The following ACE variants were observed in gnomAD, a reference collection of about 807,000 sequenced individuals.
ACE encodes angiotensin I converting enzyme.
In ACE, 122 loss-of-function variants were observed where a neutral mutation model predicts 162.3. The ratio of observed to expected loss-of-function variants is 0.75; its 90% CI spans 0.65 to 0.87. The LOEUF (loss-of-function observed/expected upper bound fraction) is 0.87. Among genes scored for constraint, ACE ranks in the 40% least tolerant of loss-of-function variants. The probability of loss-of-function intolerance (pLI) is 0.00; values close to 1 mark genes in which losing one functional copy is unlikely to be tolerated. For synonymous variants in ACE, 796 were observed against 720.6 expected, an observed-to-expected ratio of 1.10 and a Z score of -1.68; for missense variants, 1,799 against 1,735.1, an observed-to-expected ratio of 1.04 and a Z score of -0.65.
Position 63,483,971 on chromosome 17 carries a change from G to A in ACE, c.1709G>A (p.Arg570Gln), listed in dbSNP as rs371599063. ...TCCACCAAGGCAGGGGCCAAGCTCC[G>A]GTGTGTGGTGGGAAGCCGGGGGAAG... ...YRSTKAGAKL[R>Q]KVLQAGSSRP... The change falls in exon 11 of 25, where the codon CGG (arginine) becomes CAG (glutamine). Residue 570 changes from arginine (R) to glutamine (Q), a missense_variant and splice_region_variant. By Grantham distance (43) the Arg-to-Gln change is conservative. Transcript: ENST00000290866. The A allele has an allele frequency of 1.2e-5, 19 of 1,612,950 alleles. No homozygotes were observed. In the African/African-American group the frequency reaches 1.2e-4, roughly 10 times the overall value.
rs1357918249 is a variant in ACE at position 63,480,498 on chromosome 17, C to T, written c.817C>T (p.Leu273Phe). ...CCGATACGGAGACAGATACATCAAC[C>T]TCAGGGGACCCATCCCTGCTCATCT... ...HRRYGDRYIN[L>F]RGPIPAHLLG... is the part of the protein sequence containing the mutation. The change falls in exon 5 of 25, where the codon CTC (leucine) becomes TTC (phenylalanine). Residue 273 changes from leucine to phenylalanine, a missense_variant. Physicochemically the swap from Leu to Phe is conservative, Grantham distance 22. Coordinates refer to ENST00000290866, the MANE Select transcript of ACE (RefSeq NM_000789.4). The T allele has an allele frequency of 2.5e-6, 4 of 1,613,988 alleles. No homozygotes were observed. The highest frequency in any genetic ancestry group is 1.1e-5 in the South Asian group (1 of 91,086).
rs4295 is a variant in ACE at position 63,478,937 on chromosome 17, C to G, written c.418-70C>G. On this transcript the variant is annotated intron_variant, in intron 2 of 24. Transcript: ENST00000290866. Reference sequence around the variant, plus strand: ...ACATCCACTCTGTGGGCTCCTCCTTCTAGCAGCGAGGGGAGGGCAGATGTC... The same window carrying G: ...ACATCCACTCTGTGGGCTCCTCCTTGTAGCAGCGAGGGGAGGGCAGATGTC... The G allele has an allele frequency of 0.62, 849,137 of 1,362,354 alleles. 265,119 individuals are homozygous for G. The highest frequency in any genetic ancestry group is 0.69 in the Admixed American group (37,568 of 54,056). 84.4% of individuals were successfully genotyped at this position (1,362,354 alleles called of 1,614,324 possible).
intron 22 of ACE, among the ~76,000 whole-genome samples, chr17:63,495,897 A>C (rs1287791607): frequency 6.6e-6 from 1 of 152,236 alleles, no homozygotes; most frequent in Non-Finnish European, 1.5e-5. Flanking sequence ...AAACCTCTTC[A>C]GACTTTAAGC....
At chr17:63,493,829 G>C (rs746332127) in intron 20 of ACE, 93 bp from the exon 21 acceptor site, 63 of 1,592,348 alleles carry the variant, frequency 4.0e-5, no homozygotes, top group Non-Finnish European at 5.1e-5. Flanking sequence ...GGGCCCAAAA[G>C]GTACAGCACC....
intron 6 of ACE, 46 bp downstream of exon 6, chr17:63,481,234 G>GCCCCCC: frequency 3.2e-6 from 2 of 624,008 alleles, no homozygotes; most frequent in Non-Finnish European, 3.0e-6. Context: ...CGGGGGTGGG[G>GCCCCCC]CGCAAAAAAA....
In ACE at chr17:63,488,758, G is replaced by T; in HGVS notation, c.2416G>T (p.Val806Leu). ...RAILQFYPKY[V>L]ELINQAARLN... Reference sequence around the variant, plus strand: ...CATCCTCCAGTTTTACCCGAAATACGTGGAACTCATCAACCAGGCTGCCCG... The same window carrying T: ...CATCCTCCAGTTTTACCCGAAATACTTGGAACTCATCAACCAGGCTGCCCG... Residue 806 changes from valine (V) to leucine (L), a missense_variant, in exon 16 of 25, where the codon GTG becomes TTG. Coordinates refer to ENST00000290866, the MANE Select transcript of ACE (RefSeq NM_000789.4). 6.2e-7 allele frequency: 1 copy of T among 1,613,900 alleles called. No individual in the cohort carries two copies. The highest frequency in any genetic ancestry group is 8.5e-7 in the Non-Finnish European group (1 of 1,179,994).
intron 13 of ACE, 124 bp downstream of exon 13, chr17:63,485,496 T>G: frequency 7.0e-7 from 1 of 1,430,694 alleles, no homozygotes; most frequent in South Asian, 1.2e-5. Context: ...ATACTCAATT[T>G]CGGGCCGGGC....
In ACE at chr17:63,493,959, C is replaced by T. The variant is rs778470338; in HGVS notation, c.3174C>T (p.Asp1058=). The change falls in exon 21 of 25, where the codon GAC becomes GAT. Residue 1058 remains aspartate (D), a synonymous_variant. Coordinates refer to ENST00000290866, the MANE Select transcript of ACE (RefSeq NM_000789.4). ...ACTTTCTGATGAAGATGGCCCTTGA[C>T]AAGATCGCCTTTATCCCCTTCAGCT... ...DINFLMKMAL[D]KIAFIPFSYL... is the part of the protein sequence containing the mutation. The T allele has an allele frequency of 6.2e-7, 1 of 1,614,142 alleles. No homozygotes were observed. The highest frequency in any genetic ancestry group is 8.5e-7 in the Non-Finnish European group (1 of 1,180,028).
At position 63,488,718 on chromosome 17, in the gene ACE, C is replaced by G; in HGVS notation, c.2376C>G (p.Asp792Glu). 6.2e-7 allele frequency: 1 copy of G among 1,613,614 alleles called. No homozygotes were observed. The highest frequency in any genetic ancestry group is 1.3e-5 in the African/African-American group (1 of 74,870). ...TATGGGCATGGGAGGGCTGGCGAGA[C>G]AAGGCGGGGAGAGCCATCCTCCAGT... ...DLLWAWEGWR[D>E]KAGRAILQFY... The change falls in exon 16 of 25, where the codon GAC (aspartate) becomes GAG (glutamate). Residue 792 changes from aspartate (D) to glutamate (E), a missense_variant. By Grantham distance (45) the Asp-to-Glu change is conservative. Coordinates refer to ENST00000290866, the MANE Select transcript of ACE (RefSeq NM_000789.4).
At chr17:63,479,378 C>T (rs867554682) in intron 3 of ACE, among the ~76,000 whole-genome samples, 5 of 152,266 alleles carry the variant, frequency 3.3e-5, no homozygotes, top group Middle Eastern at 3.4e-3. Flanking sequence ...TTTCCCCTTT[C>T]GTGGGTCCTC....
chr17:63,496,663 A>G (rs987993395), intron 23 of ACE, 135 bp from the exon 24 acceptor site: 2 of 1,573,922 alleles, frequency 1.3e-6, no homozygotes, highest in South Asian at 2.2e-5. Flanking sequence ...CCTGATTGCC[A>G]TCTCCTTAGG....
chr17:63,484,715 CTT>C lies in ACE; in HGVS notation c.1921+176_1921+177del, dbSNP rs2029863998. 2.1e-6 allele frequency: 3 copies of C among 1,453,082 alleles called. No homozygotes were observed. The highest frequency in any genetic ancestry group is 2.7e-6 in the Non-Finnish European group (3 of 1,106,750). 90.0% of individuals were successfully genotyped at this position (1,453,082 alleles called of 1,614,324 possible). Reference sequence around the variant, plus strand: ...GGCCTGCGAGTGGGGACAGGCATGTCTTTCCCCCAGCATCCTAGAGAGGGTGT... The same window carrying C: ...GGCCTGCGAGTGGGGACAGGCATGTCTCCCCCAGCATCCTAGAGAGGGTGT... On this transcript the variant is annotated intron_variant, in intron 12 of 24. Transcript: ENST00000290866. The surrounding 1 kb of genome is among the most constrained non-coding windows in gnomAD (Gnocchi z 4.0).
chr17:63,484,962 C>T lies in ACE; in HGVS notation c.1922-274C>T. On this transcript the variant is annotated intron_variant, in intron 12 of 24. Coordinates refer to ENST00000290866, the MANE Select transcript of ACE (RefSeq NM_000789.4). This position sits in a 1 kb window ranked among gnomAD's most constrained non-coding sequence, Gnocchi z 4.0. ...CTGCTGGTCCCCAGCCAGGAGGCAT[C>T]CCAACAGGTGACAGTCACCCATGGG... 2 of 1,605,182 alleles carry T rather than the reference C, an allele frequency of 1.2e-6. No homozygotes were observed. The highest frequency in any genetic ancestry group is 1.7e-6 in the Non-Finnish European group (2 of 1,175,956).
chr17:63,481,788 G>A (rs544451599), intron 7 of ACE, 50 bp downstream of exon 7: 66 of 1,611,196 alleles, frequency 4.1e-5, no homozygotes, highest in Middle Eastern at 1.6e-4. Flanking sequence ...TCTGGGGCCC[G>A]GGGAAAGGCA....
In ACE at chr17:63,491,401, A is replaced by T; in HGVS notation, c.2912+20A>T. 6.2e-7 allele frequency: 1 copy of T among 1,613,322 alleles called. No individual in the cohort carries two copies. The highest frequency in any genetic ancestry group is 8.5e-7 in the Non-Finnish European group (1 of 1,179,390). The stretch of plus-strand genomic sequence containing the variant: ...CTTCCGGTACATCCAGCTAGGGCTC[A>T]GGTCTCGTTCCTGAGCCCCACGGGC... On this transcript the variant is annotated intron_variant, in intron 19 of 24. Transcript: ENST00000290866. The surrounding 1 kb of genome is among the most constrained non-coding windows in gnomAD (Gnocchi z 4.4).
rs556731639 is a variant in ACE at position 63,484,159 on chromosome 17, G to A, written c.1710-171G>A. Among the ~76,000 whole-genome samples the A allele has an allele frequency of 2.0e-5, 3 of 152,310 alleles. No individual in the cohort carries two copies. The highest frequency in any genetic ancestry group is 3.9e-4 in the East Asian group (2 of 5,184). On this transcript the variant is annotated intron_variant, in intron 11 of 24. Coordinates refer to ENST00000290866, the MANE Select transcript of ACE (RefSeq NM_000789.4). The surrounding 1 kb of genome is among the most constrained non-coding windows in gnomAD (Gnocchi z 4.0). ...GTGGGCCTTCTGGCTGGCATGGGGC[G>A]ACACAAATGCCCCCTGCCACCATCA...
At position 63,483,567 on chromosome 17, in the gene ACE, G is replaced by GCGGGGGGGGGGGGCCCCCCCCCCCCCC; in HGVS notation, c.1586+10_1586+11insGGGGGGGGGGGGCCCCCCCCCCCCCCC. 1 of 1,589,460 alleles carries GCGGGGGGGGGGGGCCCCCCCCCCCCCC rather than the reference G, an allele frequency of 6.3e-7. No homozygotes were observed. Among genetic ancestry groups the GCGGGGGGGGGGGGCCCCCCCCCCCCCC allele is most frequent in the Non-Finnish European group, 8.6e-7 (1 of 1,165,624 alleles). On this transcript the variant is annotated intron_variant, in intron 10 of 24. Transcript: ENST00000290866. ...GTGACACCATACATCAGGTATTAGCGCCCCCACCCCACCCACCCCCAGTAC... is the reference window on the plus strand; with the variant it reads ...GTGACACCATACATCAGGTATTAGCGCGGGGGGGGGGGGCCCCCCCCCCCCCCCCCCCACCCCACCCACCCCCAGTAC...
intron 23 of ACE, 55 bp from the exon 24 acceptor site, chr17:63,496,743 G>A (rs2030758883): frequency 6.2e-7 from 1 of 1,604,656 alleles, no homozygotes; most frequent in Admixed American, 1.7e-5. Context: ...TGTCAGGTGG[G>A]GGCAAGAGGG....
At chr17:63,480,561 C>T (rs759827889) in intron 5 of ACE, 33 bp downstream of exon 5, 2 of 1,610,990 alleles carry the variant, frequency 1.2e-6, no homozygotes. Flanking sequence ...ACATGAGTCC[C>T]ACGGAAGTGT....
Sources: allele counts gnomAD v4.1 joint callset (sites outside exome capture counted in the v4.1 genomes callset), GRCh38; gene constraint gnomAD v4.1.1; non-coding constraint Gnocchi (gnomAD v3.1); transcripts MANE v1.5; gene names NCBI Gene and HGNC (gene_info 2026-07-23, HGNC 2026-07-21).